Variants in SWAP70 observed in about 807,000 individuals in gnomAD.
SWAP70 encodes switching B cell complex subunit SWAP70, also known as switch-associated protein 70.
SWAP70 carries 34 observed loss-of-function variants against 80.2 expected under a neutral mutation model. That is an observed-to-expected ratio of 0.42 (90% CI 0.32 to 0.56). SWAP70 has a LOEUF of 0.56. SWAP70 is among the 20% of genes least tolerant of loss of function. SWAP70 has a pLI of 0.09. For missense variants in SWAP70, 578 were observed against 690.7 expected (o/e 0.84, Z 1.83); for synonymous variants, 239 against 238.5 (o/e 1.00, Z -0.02).
intron 1 of SWAP70, among the ~76,000 whole-genome samples, chr11:9,674,891 C>T (rs1317009373): frequency 6.6e-6 from 1 of 151,972 alleles, no homozygotes; most frequent in Admixed American, 6.6e-5. Flanking sequence ...ATGGTGTGAA[C>T]CCGGGAGGCA....
chr11:9,710,698 T>TG (rs1397201456), intron 2 of SWAP70, among the ~76,000 whole-genome samples: 22 of 148,768 alleles, frequency 1.5e-4, no homozygotes, highest in African/African-American at 3.2e-4. Flanking sequence ...TTTTTTTTTT[T>TG]ATTAAGTGTC....
intron 3 of SWAP70, among the ~76,000 whole-genome samples, chr11:9,714,770 A>G (rs1851043184): frequency 6.6e-6 from 1 of 150,644 alleles, no homozygotes; most frequent in African/African-American, 2.5e-5. Context: ...ATGCTTACTT[A>G]GAAACAGCCA....
intron 2 of SWAP70, among the ~76,000 whole-genome samples, chr11:9,707,012 A>G (rs1166304159): frequency 6.6e-6 from 1 of 152,098 alleles, no homozygotes; most frequent in Non-Finnish European, 1.5e-5. Context: ...CTTGAAAACC[A>G]TTCGGTATAG....
intron 7 of SWAP70, among the ~76,000 whole-genome samples, chr11:9,736,502 C>G (rs752346780): frequency 1.3e-4 from 20 of 152,082 alleles, no homozygotes; most frequent in African/African-American, 3.4e-4. Context: ...ACCCCTCTCC[C>G]CAGAGGCCTG....
At chr11:9,671,431 T>A (rs1365222478) in intron 1 of SWAP70, among the ~76,000 whole-genome samples, 18 of 97,932 alleles carry the variant, frequency 1.8e-4, no homozygotes, top group African/African-American at 4.9e-4. Flanking sequence ...AATATATATA[T>A]AAATATATAA....
At chr11:9,744,767 G>A (rs1851489783) in intron 9 of SWAP70, among the ~76,000 whole-genome samples, 1 of 152,068 alleles carries the variant, frequency 6.6e-6, no homozygotes, top group African/African-American at 2.4e-5. Flanking sequence ...AATTAGCTGG[G>A]CGTGGTGGTG....
chr11:9,739,423 T>A (rs1851406857), intron 8 of SWAP70, among the ~76,000 whole-genome samples: 1 of 152,268 alleles, frequency 6.6e-6, no homozygotes, highest in African/African-American at 2.4e-5. Flanking sequence ...TGGTCCTTCT[T>A]ACTGAACATT....
intron 9 of SWAP70, among the ~76,000 whole-genome samples, chr11:9,745,042 G>A (rs1454456912): frequency 1.1e-4 from 16 of 152,114 alleles, no homozygotes; most frequent in Non-Finnish European, 2.2e-4. Context: ...ACTCGTACCT[G>A]GCACACAGTA....
intron 6 of SWAP70, among the ~76,000 whole-genome samples, chr11:9,731,074 T>C (rs1851292429): frequency 6.6e-6 from 1 of 152,246 alleles, no homozygotes; most frequent in African/African-American, 2.4e-5. Context: ...CATAGTGGCC[T>C]CTAGCTGCAT....
chr11:9,690,563 C>G (rs372545973), intron 1 of SWAP70, among the ~76,000 whole-genome samples: 17 of 152,064 alleles, frequency 1.1e-4, no homozygotes, highest in East Asian at 7.7e-4. Flanking sequence ...GAGTGAGACT[C>G]TGCCTCAAAA....
rs1400451298 is a variant in SWAP70, at chr11:9,724,812, G to A, written c.569G>A (p.Gly190Asp). The A allele has an allele frequency of 1.9e-6, 3 of 1,613,936 alleles. No homozygotes were observed. Among genetic ancestry groups the A allele is most frequent in the Non-Finnish European group, 2.5e-6 (3 of 1,179,974 alleles). The change falls in exon 4 of 12, where the codon GGC (glycine) becomes GAC (aspartate). Residue 190 changes from glycine to aspartate, a missense_variant. Coordinates refer to ENST00000318950, the MANE Select transcript of SWAP70 (RefSeq NM_015055.4). ...ATTGGAAATGGACAGTTTAGCAAAG[G>A]CATGGACCGGCAGACTGTGTCTATG... ...ELIGNGQFSKGMDRQTVSMAI... is the reference protein window; with the variant it reads ...ELIGNGQFSKDMDRQTVSMAI...
intron 1 of SWAP70, chr11:9,680,927 T>C (rs767736316): frequency 1.3e-5 from 2 of 152,850 alleles, no homozygotes; most frequent in African/African-American, 2.4e-5. Context: ...GAATGGCGAA[T>C]GTGAGGGTGA....
intron 2 of SWAP70, among the ~76,000 whole-genome samples, chr11:9,704,739 TAGTC>T (rs1336711183): frequency 6.6e-6 from 1 of 152,174 alleles, no homozygotes; most frequent in Non-Finnish European, 1.5e-5. Flanking sequence ...ACATAACTGT[TAGTC>T]TGTCTTCCTC....
chr11:9,725,564 TATA>T (rs1241722983), intron 4 of SWAP70, among the ~76,000 whole-genome samples: 70 of 16,742 alleles, frequency 4.2e-3, no homozygotes, highest in East Asian at 0.012. Context: ...TATATATATA[TATA>T]TATTTTTTTT....
intron 1 of SWAP70, among the ~76,000 whole-genome samples, chr11:9,668,872 G>C (rs558649246): frequency 1.3e-5 from 2 of 152,290 alleles, no homozygotes; most frequent in South Asian, 4.1e-4. Flanking sequence ...GGATATGGTG[G>C]TGAAAGGCAG....
chr11:9,689,620 C>T (rs936952168), intron 1 of SWAP70, among the ~76,000 whole-genome samples: 2 of 152,186 alleles, frequency 1.3e-5, no homozygotes, highest in Non-Finnish European at 2.9e-5. Flanking sequence ...TGATTTGGGG[C>T]AGTCCTTTTA....
rs1397947150 is a variant in SWAP70, at chr11:9,723,512, A to G, written c.415-1146A>G. 2.0e-5 allele frequency among the ~76,000 whole-genome samples: 3 copies of G among 152,090 alleles called. No homozygotes were observed. The East Asian group carries it at 5.8e-4, about 29-fold the overall frequency. On this transcript the variant is annotated intron_variant, in intron 3 of 11. Coordinates refer to ENST00000318950, the MANE Select transcript of SWAP70 (RefSeq NM_015055.4). ...TAGGGAAATAAAACAGCAGGATTAT[A>G]TCCTTGGTTTGATGTGGGGGTTGGG...
chr11:9,716,845 G>A (rs1299895492), intron 3 of SWAP70, among the ~76,000 whole-genome samples: 1 of 152,190 alleles, frequency 6.6e-6, no homozygotes, highest in Non-Finnish European at 1.5e-5. Flanking sequence ...ACTGTAGTTG[G>A]AGACATGAGT....
chr11:9,697,472 A>G (rs1450755992), intron 2 of SWAP70, among the ~76,000 whole-genome samples: 9 of 151,970 alleles, frequency 5.9e-5, no homozygotes, highest in Admixed American at 4.6e-4. Flanking sequence ...TAGTAGAGAC[A>G]GGGTTTCACC....
Sources: gnomAD v4.1 joint callset for allele counts (sites outside exome capture counted in the v4.1 genomes callset) on GRCh38, gnomAD v4.1.1 for gene constraint, MANE v1.5 for transcripts, NCBI Gene and HGNC (gene_info 2026-07-23, HGNC 2026-07-21) for gene names.